The following ASIC2 variants were observed in gnomAD, a reference collection of about 807,000 sequenced individuals.
ASIC2 encodes the protein acid sensing ion channel subunit 2, also known as acid-sensing ion channel 2.
ASIC2 carries 25 observed loss-of-function variants against 57.3 expected under a neutral mutation model. That is an observed-to-expected ratio of 0.44 (90% CI 0.32 to 0.61). The LOEUF is 0.61. Among genes scored for constraint, ASIC2 ranks in the 20% least tolerant of loss-of-function variants. The pLI is 0.06. For synonymous variants in ASIC2, 319 were observed against 307.5 expected (o/e 1.04, Z -0.39); for missense variants, 641 against 738.1 (o/e 0.87, Z 1.52).
intron 1 of ASIC2, among the ~76,000 whole-genome samples, chr17:33,768,904 G>A (rs190787493): frequency 4.6e-5 from 7 of 152,008 alleles, no homozygotes; most frequent in Admixed American, 2.6e-4. Context: ...TGCCCTTCCC[G>A]TTCCCTCTCC....
intron 1 of ASIC2, among the ~76,000 whole-genome samples, chr17:33,865,783 A>AGTT (rs796251405): frequency 9.8e-5 from 8 of 81,540 alleles, no homozygotes; most frequent in African/African-American, 2.4e-4. Context: ...AAAAAAAAAA[A>AGTT]CGTTTTTTTA....
intron 1 of ASIC2, among the ~76,000 whole-genome samples, chr17:33,188,452 T>C (rs1401305480): frequency 6.6e-6 from 1 of 151,994 alleles, no homozygotes; most frequent in African/African-American, 2.4e-5. Context: ...CCCATATAGA[T>C]GCAAAGAAAT....
At chr17:33,832,706 AGTAT>A (rs755803495) in intron 1 of ASIC2, among the ~76,000 whole-genome samples, 25 of 152,354 alleles carry the variant, frequency 1.6e-4, no homozygotes, top group Non-Finnish European at 2.1e-4. Flanking sequence ...GTTAAAGTTA[AGTAT>A]GTTTTTGCCA....
rs536408051 is a variant in ASIC2 at position 33,907,729 on chromosome 17, C to A, written c.555+248249G>T. Among the ~76,000 whole-genome samples the A allele has an allele frequency of 2.0e-5, 3 of 152,300 alleles. No individual in the cohort carries two copies. In the East Asian group the frequency reaches 5.8e-4, roughly 29 times the overall value. ...CCTTAAATCCTCTGCCAACTCCTGC[C>A]GTTGACTGACCACTTCATTGTAACC... On this transcript the variant is annotated intron_variant, in intron 1 of 9. Coordinates refer to the ASIC2 transcript ENST00000359872.
chr17:33,394,145 G>C (rs1597712443), intron 1 of ASIC2, among the ~76,000 whole-genome samples: 1 of 152,224 alleles, frequency 6.6e-6, no homozygotes, highest in South Asian at 2.1e-4. Context: ...TCTCTATGGA[G>C]TTTGCTACAT....
chr17:33,551,264 C>T (rs1344619119), intron 1 of ASIC2, among the ~76,000 whole-genome samples: 2 of 151,946 alleles, frequency 1.3e-5, no homozygotes, highest in African/African-American at 4.8e-5. Flanking sequence ...GAGTGTTGTG[C>T]AATTAGGTTT....
chr17:33,728,508 C>A (rs1044497934), intron 1 of ASIC2, among the ~76,000 whole-genome samples: 1 of 152,158 alleles, frequency 6.6e-6, no homozygotes, highest in Admixed American at 6.5e-5. Context: ...TCATTTCCTC[C>A]CTTACAGTTA....
chr17:33,017,630 A>G lies in ASIC2; in HGVS notation c.1496T>C (p.Leu499Pro). Reference sequence around the variant, plus strand: ...CTCATAAATATAATCAAAGAGCTCTAGTATTGTAAGGATACTAGCACCAAT... The same window carrying G: ...CTCATAAATATAATCAAAGAGCTCTGGTATTGTAAGGATACTAGCACCAAT... ...LFIGASILTI[L>P]ELFDYIYELI... Residue 499 changes from leucine to proline, a missense_variant, in exon 8 of 10, where the codon CTA (leucine) becomes CCA (proline). This residue lies in a region of ASIC2 where 252 missense variants were observed against 319.8 expected (regional missense o/e 0.79). Transcript: ENST00000225823. 6.2e-7 allele frequency: 1 copy of G among 1,613,636 alleles called. No homozygotes were observed.
intron 1 of ASIC2, among the ~76,000 whole-genome samples, chr17:33,994,517 C>G (rs1337373438): frequency 6.6e-6 from 1 of 152,178 alleles, no homozygotes; most frequent in African/African-American, 2.4e-5. Flanking sequence ...TGCCTCTTTC[C>G]CTAAGTGAGC....
chr17:33,347,029 A>G (rs1370814307), intron 1 of ASIC2, among the ~76,000 whole-genome samples: 7 of 152,196 alleles, frequency 4.6e-5, no homozygotes, highest in Non-Finnish European at 1.0e-4. Context: ...TGTGCTTCAT[A>G]CAGATGATTT....
rs183621332 is a variant in ASIC2 at position 33,450,660 on chromosome 17, C to A, written c.556-338593G>T. Among the ~76,000 whole-genome samples the A allele has an allele frequency of 2.0e-5, 3 of 152,230 alleles. No individual in the cohort carries two copies. The East Asian group carries it at 5.8e-4, about 29-fold the overall frequency. ...TTAGTTGAGATAGTAAATTTTATGT[C>A]ATATATTTTGTTACAATAAAACCTT... On this transcript the variant is annotated intron_variant, in intron 1 of 9. Transcript: ENST00000359872.
intron 1 of ASIC2, among the ~76,000 whole-genome samples, chr17:33,232,436 T>TATGGA (rs1300145212): frequency 6.0e-5 from 8 of 132,254 alleles, no homozygotes; most frequent in Middle Eastern, 3.9e-3. Flanking sequence ...TATGGTATGG[T>TATGGA]ATGGTATGGA....
At chr17:33,565,145 C>T (rs906076770) in intron 1 of ASIC2, among the ~76,000 whole-genome samples, 9 of 152,136 alleles carry the variant, frequency 5.9e-5, no homozygotes, top group African/African-American at 9.7e-5. Context: ...GAGTTGGTCT[C>T]GGCACTAGTC....
intron 1 of ASIC2, among the ~76,000 whole-genome samples, chr17:33,386,445 G>C (rs1169086829): frequency 6.6e-6 from 1 of 152,170 alleles, no homozygotes; most frequent in East Asian, 1.9e-4. Context: ...GAAAACCTGG[G>C]AGTTATCCTT....
At chr17:33,173,505 T>G (rs1251308701) in intron 1 of ASIC2, among the ~76,000 whole-genome samples, 1 of 152,160 alleles carries the variant, frequency 6.6e-6, no homozygotes, top group East Asian at 1.9e-4. Flanking sequence ...AGGATGCATT[T>G]GTCCTGGCCC....
At chr17:33,249,827 G>A (rs184998562) in intron 1 of ASIC2, among the ~76,000 whole-genome samples, 2 of 152,306 alleles carry the variant, frequency 1.3e-5, no homozygotes, top group East Asian at 3.9e-4. Flanking sequence ...GTAGGTTGGG[G>A]AAGCTGCTGA....
chr17:33,873,386 AGTGGTC>A (rs1914473101), intron 1 of ASIC2, among the ~76,000 whole-genome samples: 1 of 152,212 alleles, frequency 6.6e-6, no homozygotes, highest in South Asian at 2.1e-4. Flanking sequence ...CTTAAGCTAC[AGTGGTC>A]TGGCTCATGC....
chr17:33,384,424 TC>T lies in ASIC2; in HGVS notation c.556-272358del, dbSNP rs200193940. 3.3e-5 allele frequency among the ~76,000 whole-genome samples: 5 copies of T among 152,182 alleles called. No homozygotes were observed. The East Asian group carries it at 9.6e-4, about 29-fold the overall frequency. On this transcript the variant is annotated intron_variant, in intron 1 of 9. Coordinates refer to the ASIC2 transcript ENST00000359872. Reference sequence around the variant, plus strand: ...CCCTGTGATGCTAGGATCTTTTTTTTCTGTGAACTGATTGTCAGGAGTGTTA... The same window carrying T: ...CCCTGTGATGCTAGGATCTTTTTTTTTGTGAACTGATTGTCAGGAGTGTTA...
At chr17:33,952,500 T>C (rs1904609671) in intron 1 of ASIC2, among the ~76,000 whole-genome samples, 1 of 152,212 alleles carries the variant, frequency 6.6e-6, no homozygotes, top group Non-Finnish European at 1.5e-5. Context: ...AAATTATTTA[T>C]TATGATGTCT....
Sources: gnomAD v4.1 joint callset for allele counts (sites outside exome capture counted in the v4.1 genomes callset) on GRCh38, gnomAD v4.1.1 for gene constraint, gnomAD v4.1.1 regional missense constraint, MANE v1.5 for transcripts, NCBI Gene and HGNC (gene_info 2026-07-23, HGNC 2026-07-21) for gene names.